PEMT: variants seen among roughly 807,000 people sequenced by gnomAD.
PEMT encodes phosphatidylethanolamine N-methyltransferase.
A neutral mutation model predicts 27.4 loss-of-function variants in PEMT; 23 were observed. The observed-to-expected ratio is 0.84, with a 90% CI of 0.60 to 1.19. The LOEUF is 1.19. Ranked by LOEUF, PEMT falls within the 50% of genes most tolerant of loss-of-function variation. The probability of loss-of-function intolerance (pLI) is 0.00; values close to 1 mark genes in which losing one functional copy is unlikely to be tolerated. For missense variants in PEMT, 307 were observed against 310.1 expected (o/e 0.99, Z 0.07); for synonymous variants, 137 against 139.1 (o/e 0.98, Z 0.11).
Position 17,561,262 on chromosome 17 carries a change from AC to A in PEMT, c.204+15657del, listed in dbSNP as rs1207761031. The stretch of plus-strand genomic sequence containing the variant: ...ACGGAGTGTGTCACATCCTCACACG[AC>A]CCAGGAGGTGGAACCTACAGGTAAC... On this transcript the variant is annotated intron_variant, in intron 2 of 6. Coordinates refer to ENST00000255389, the MANE Select transcript of PEMT (RefSeq NM_148172.3). This position sits in a 1 kb window ranked among gnomAD's most constrained non-coding sequence, Gnocchi z 4.5. Among the ~76,000 whole-genome samples, 1 of 152,092 alleles carries A rather than the reference AC, an allele frequency of 6.6e-6. No homozygotes were observed. Among genetic ancestry groups the A allele is most frequent in the African/African-American group, 2.4e-5 (1 of 41,400 alleles).
In PEMT at chr17:17,568,683, G is replaced by A. The variant is rs142824632; in HGVS notation, c.204+8237C>T. Among the ~76,000 whole-genome samples, 1,491 of 152,324 alleles carry A rather than the reference G, an allele frequency of 9.8e-3. 26 individuals carry two copies. Among genetic ancestry groups the A allele is most frequent in the African/African-American group, 0.033 (1,385 of 41,568 alleles). On this transcript the variant is annotated intron_variant, in intron 2 of 6. Coordinates refer to ENST00000255389, the MANE Select transcript of PEMT (RefSeq NM_148172.3). ...GGGATCCCTTGGGGCACTCAGAAAC[G>A]AGCCATAGACCGCTGGCTGGGGATC...
At chr17:17,555,756 C>T (rs987838034) in intron 2 of PEMT, among the ~76,000 whole-genome samples, 5 of 152,194 alleles carry the variant, frequency 3.3e-5, no homozygotes, top group Non-Finnish European at 5.9e-5. Context: ...TGCTGCCCTC[C>T]GATCACACAG....
chr17:17,511,684 C>T (rs1003532349), intron 4 of PEMT, among the ~76,000 whole-genome samples: 3 of 152,318 alleles, frequency 2.0e-5, no homozygotes, highest in East Asian at 1.9e-4. Flanking sequence ...TGACGGAGAG[C>T]GGGCAATGCG....
intron 2 of PEMT, among the ~76,000 whole-genome samples, chr17:17,564,964 A>C (rs976134983): frequency 1.4e-4 from 21 of 152,036 alleles, no homozygotes; most frequent in African/African-American, 4.6e-4. Flanking sequence ...ATGTCTTCCT[A>C]GGAGGGTGAG....
chr17:17,583,658 A>C (rs1912092292), intron 1 of PEMT, among the ~76,000 whole-genome samples: 1 of 152,234 alleles, frequency 6.6e-6, no homozygotes, highest in African/African-American at 2.4e-5. Context: ...TCTGCACAGA[A>C]GCAAGAACAG....
chr17:17,545,357 G>A (rs1333081399), intron 2 of PEMT, among the ~76,000 whole-genome samples: 1 of 152,360 alleles, frequency 6.6e-6, no homozygotes, highest in South Asian at 2.1e-4. Flanking sequence ...ATGGTCTCCA[G>A]CACGTTGCAT....
At chr17:17,553,903 C>T (rs1308090963) in intron 2 of PEMT, among the ~76,000 whole-genome samples, 2 of 152,246 alleles carry the variant, frequency 1.3e-5, no homozygotes, top group African/African-American at 4.8e-5. Context: ...GGGAACCACT[C>T]GCCCTCCCTC....
At chr17:17,574,089 A>G (rs1911400728) in intron 2 of PEMT, among the ~76,000 whole-genome samples, 1 of 150,670 alleles carries the variant, frequency 6.6e-6, no homozygotes. Flanking sequence ...CCGTCCGGAT[A>G]CTCTCCCCGG....
intron 2 of PEMT, among the ~76,000 whole-genome samples, chr17:17,549,220 C>T (rs1412264318): frequency 6.6e-6 from 1 of 152,026 alleles, no homozygotes; most frequent in African/African-American, 2.4e-5. Context: ...GACGGAGTCT[C>T]ACTCTGTCGC....
chr17:17,534,952 G>T (rs187703628), intron 2 of PEMT, among the ~76,000 whole-genome samples: 1 of 151,136 alleles, frequency 6.6e-6, no homozygotes, highest in African/African-American at 2.4e-5. Context: ...ATGGAGTCTC[G>T]CTCTGTCACC....
intron 2 of PEMT, among the ~76,000 whole-genome samples, chr17:17,565,596 T>C (rs900414557): frequency 6.6e-6 from 1 of 152,194 alleles, no homozygotes; most frequent in Non-Finnish European, 1.5e-5. Flanking sequence ...CTAGGGCAAC[T>C]GATGAACCCT....
intron 1 of PEMT, chr17:17,577,353 C>G: frequency 1.6e-6 from 1 of 620,308 alleles, no homozygotes; most frequent in South Asian, 2.9e-5. Context: ...GATGAGGGTT[C>G]TCAGAGGCCC....
In PEMT at chr17:17,527,096, G is replaced by A. The variant is rs143334193; in HGVS notation, c.205-4701C>T. ...CTTGTTGCCCAGCCTGGAGTGCAAC[G>A]GCGCAATCTCGGCTCACCACAACCT... On this transcript the variant is annotated intron_variant, in intron 2 of 6. Transcript: ENST00000255389. Among the ~76,000 whole-genome samples, 316 of 152,290 alleles carry A rather than the reference G, an allele frequency of 2.1e-3. 1 individual carries two copies. Among genetic ancestry groups the A allele is most frequent in the Non-Finnish European group, 3.3e-3 (224 of 68,026 alleles).
chr17:17,543,069 G>A (rs530837300), intron 2 of PEMT, among the ~76,000 whole-genome samples: 6 of 152,328 alleles, frequency 3.9e-5, no homozygotes, highest in Non-Finnish European at 8.8e-5. Context: ...CAGCACCACC[G>A]GGGAAGCATG....
chr17:17,509,386 T>C, intron 5 of PEMT, 48 bp downstream of exon 5: 1 of 1,267,884 alleles, frequency 7.9e-7, no homozygotes, highest in East Asian at 2.4e-5. Flanking sequence ...CCAGCTCCTC[T>C]CCGGGAGGTG....
At position 17,576,983 on chromosome 17, in the gene PEMT, G is replaced by A. The variant is rs376661109; in HGVS notation, c.141C>T (p.Pro47=). ...CGGCAGCCACAAAGCTGGGATCCAGGGGGTCCACGTAGCCCAGCAGCCGGG... is the reference window on the plus strand; with the variant it reads ...CGGCAGCCACAAAGCTGGGATCCAGAGGGTCCACGTAGCCCAGCAGCCGGG... The part of the protein sequence containing the change: ...VMTRLLGYVD[P]LDPSFVAAVI... The change falls in exon 2 of 7, where the codon CCC becomes CCT. Residue 47 remains proline (P), a synonymous_variant. Coordinates refer to ENST00000255389, the MANE Select transcript of PEMT (RefSeq NM_148172.3). 7.4e-6 allele frequency: 12 copies of A among 1,614,106 alleles called. No homozygotes were observed. The highest frequency in any genetic ancestry group is 1.0e-5 in the Non-Finnish European group (12 of 1,180,020).
At chr17:17,583,067 A>T (rs1165953584) in intron 1 of PEMT, among the ~76,000 whole-genome samples, 9 of 151,370 alleles carry the variant, frequency 5.9e-5, no homozygotes, top group African/African-American at 2.2e-4. Context: ...ATCTCAAAAA[A>T]AAAAAAAAAG....
chr17:17,565,720 C>T (rs1910785018), intron 2 of PEMT, among the ~76,000 whole-genome samples: 1 of 152,248 alleles, frequency 6.6e-6, no homozygotes, highest in South Asian at 2.1e-4. Flanking sequence ...GCTGTCCCTC[C>T]CAGGCTGACT....
rs905478041 is a variant in PEMT at position 17,511,101 on chromosome 17, C to T, written c.466+1408G>A. Reference sequence around the variant, plus strand: ...GCCCCTTGGATGGCCTTCAAGGCCTCGGCTCATCCTCCTGCCCTGTCCCAA... The same window carrying T: ...GCCCCTTGGATGGCCTTCAAGGCCTTGGCTCATCCTCCTGCCCTGTCCCAA... On this transcript the variant is annotated intron_variant, in intron 4 of 6. Transcript: ENST00000255389. Among the ~76,000 whole-genome samples, 8 of 152,288 alleles carry T rather than the reference C, an allele frequency of 5.3e-5. No homozygotes were observed. The South Asian group carries it at 8.3e-4, about 16-fold the overall frequency.
Sources: allele counts gnomAD v4.1 joint callset (sites outside exome capture counted in the v4.1 genomes callset), GRCh38; gene constraint gnomAD v4.1.1; non-coding constraint Gnocchi (gnomAD v3.1); transcripts MANE v1.5; gene names NCBI Gene and HGNC (gene_info 2026-07-23, HGNC 2026-07-21).